SARDH: variants seen among roughly 807,000 people sequenced by gnomAD.
The protein encoded by SARDH is sarcosine dehydrogenase, also known as sarcosine dehydrogenase, mitochondrial.
In SARDH, 95 loss-of-function variants were observed where a neutral mutation model predicts 109.1. The ratio of observed to expected loss-of-function variants is 0.87; its 90% CI spans 0.74 to 1.03. The LOEUF is 1.03. Among genes scored for constraint, SARDH ranks in the 50% least tolerant of loss-of-function variants. The pLI is 0.00. For missense variants in SARDH, 1,267 were observed against 1,287.8 expected (o/e 0.98, Z 0.25); for synonymous variants, 572 against 534.8 (o/e 1.07, Z -0.96).
chr9:133,728,281 C>T lies in SARDH; in HGVS notation c.915+1484G>A, dbSNP rs556381190. ...CCACCCGCTTCACTACCCTGGTCTA[C>T]GAAGCAGCCAAGCCTGGTACCTCCC... is the stretch of plus-strand genomic sequence containing the variant. On this transcript the variant is annotated intron_variant, in intron 6 of 20. Transcript: ENST00000439388. The surrounding 1 kb of genome is among the most constrained non-coding windows in gnomAD (Gnocchi z 5.0). 2.0e-5 allele frequency among the ~76,000 whole-genome samples: 3 copies of T among 152,158 alleles called. No individual in the cohort carries two copies. The highest frequency in any genetic ancestry group is 2.9e-5 in the Non-Finnish European group (2 of 68,014).
chr9:133,676,776 G>A (rs1028353203), intron 17 of SARDH, among the ~76,000 whole-genome samples: 16 of 152,226 alleles, frequency 1.1e-4, no homozygotes, highest in African/African-American at 3.9e-4. Context: ...GGTCGGTCAT[G>A]AGCAGTCAGA....
chr9:133,682,193 C>T (rs557553305), intron 17 of SARDH, among the ~76,000 whole-genome samples: 2 of 152,018 alleles, frequency 1.3e-5, no homozygotes, highest in African/African-American at 4.8e-5. Flanking sequence ...GAGGTGGACC[C>T]GGTGTGAAAC....
intron 16 of SARDH, among the ~76,000 whole-genome samples, chr9:133,689,692 G>C (rs1229731469): frequency 1.3e-5 from 2 of 152,040 alleles, no homozygotes; most frequent in Non-Finnish European, 2.9e-5. Context: ...AGTCACAGGT[G>C]CTCCACTGGT....
downstream of SARDH, among the ~76,000 whole-genome samples, chr9:133,661,730 C>A (rs544316972): frequency 2.0e-5 from 3 of 152,282 alleles, no homozygotes; most frequent in African/African-American, 7.2e-5. Flanking sequence ...ATCCGCCCCC[C>A]TCGGCCTCCC....
rs369428435 is a variant in SARDH at position 133,712,603 on chromosome 9, C to A, written c.1328+16G>T. 6.3e-7 allele frequency: 1 copy of A among 1,599,602 alleles called. No individual in the cohort carries two copies. The highest frequency in any genetic ancestry group is 8.5e-7 in the Non-Finnish European group (1 of 1,175,008). ...TGAGTGGCGGGCCCTGCCCTTAGGT[C>A]CCAATGGGCACTTACCTGATGTCAT... On this transcript the variant is annotated intron_variant, in intron 10 of 20. Transcript: ENST00000439388. The surrounding 1 kb of genome is among the most constrained non-coding windows in gnomAD (Gnocchi z 4.1).
Position 133,670,731 on chromosome 9 carries a change from T to C in SARDH, c.2348A>G (p.Asp783Gly). The C allele has an allele frequency of 6.3e-7, 1 of 1,589,786 alleles. No homozygotes were observed. The highest frequency in any genetic ancestry group is 8.6e-7 in the Non-Finnish European group (1 of 1,169,156). Reference protein sequence around the residue: ...IEKGYRHWHADLRPDDSPLEA... With the variant: ...IEKGYRHWHAGLRPDDSPLEA... ...CAGGGGGCTGTCGTCTGGCCGCAGG[T>C]CCGCGTGCCAGTGCCGGTAGCCTGT... The change falls in exon 19 of 21, where the codon GAC (aspartate) becomes GGC (glycine). Residue 783 changes from aspartate to glycine, a missense_variant. Physicochemically the swap from Asp to Gly is moderately conservative, Grantham distance 94. Transcript: ENST00000439388.
Position 133,704,993 on chromosome 9 carries a change from A to G in SARDH, c.1509T>C (p.His503=), listed in dbSNP as rs1177539379. 2 of 1,591,150 alleles carry G rather than the reference A, an allele frequency of 1.3e-6. No individual in the cohort carries two copies. Among genetic ancestry groups the G allele is most frequent in the Non-Finnish European group, 1.7e-6 (2 of 1,169,870 alleles). The change falls in exon 12 of 21, where the codon CAT becomes CAC. Residue 503 remains histidine (H), a synonymous_variant. Coordinates refer to ENST00000439388, the MANE Select transcript of SARDH (RefSeq NM_001134707.2). The surrounding 1 kb of genome is among the most constrained non-coding windows in gnomAD (Gnocchi z 4.5). ...LGQGCVFQER[H]GWERPGWFHP... ...GAAACCATCCCGGTCGCTCCCAGCC[A>G]TGCCGCTCCTGGAACACGCAGCCTT...
rs568761615 is a variant in SARDH, at chr9:133,668,383, G to C, written c.2496-1513C>G. On this transcript the variant is annotated intron_variant, in intron 19 of 20. Transcript: ENST00000439388. ...TCTCCCTCACCCTCATTCTCCCTCA[G>C]CCTCCCTCTCCCTCTCCCTTCACCC... is the stretch of plus-strand genomic sequence containing the variant. Among the ~76,000 whole-genome samples the C allele has an allele frequency of 2.6e-3, 156 of 59,316 alleles. 2 individuals are homozygous for C. Among genetic ancestry groups the C allele is most frequent in the South Asian group, 0.011 (12 of 1,076 alleles). 38.9% of individuals were successfully genotyped at this position (59,316 alleles called of 152,430 possible). A position where few individuals can be genotyped will look rare whatever the true frequency, so the allele number is the denominator to read the frequency against.
chr9:133,661,077 C>T (rs141632920), downstream of SARDH, among the ~76,000 whole-genome samples: 87 of 152,106 alleles, frequency 5.7e-4, no homozygotes, highest in East Asian at 0.01. Flanking sequence ...CGGTGGCTCA[C>T]GCCTGTAATC....
intron 17 of SARDH, among the ~76,000 whole-genome samples, chr9:133,673,713 T>C (rs1266560054): frequency 6.6e-6 from 1 of 152,254 alleles, no homozygotes; most frequent in African/African-American, 2.4e-5. Flanking sequence ...AAAGATTGCC[T>C]TGTCAACGGG....
chr9:133,707,850 C>T (rs1831750927), intron 11 of SARDH, among the ~76,000 whole-genome samples: 1 of 152,140 alleles, frequency 6.6e-6, no homozygotes, highest in South Asian at 2.1e-4. Flanking sequence ...TGAGTCGAAG[C>T]TCACCAGGGC....
intron 13 of SARDH, among the ~76,000 whole-genome samples, chr9:133,700,275 C>G (rs959059739): frequency 6.6e-6 from 1 of 151,756 alleles, no homozygotes; most frequent in Admixed American, 6.6e-5. Context: ...TGCAGTGAGC[C>G]GAATTGCACC....
downstream of SARDH, among the ~76,000 whole-genome samples, chr9:133,660,505 C>T (rs1220097266): frequency 6.6e-6 from 1 of 152,198 alleles, no homozygotes; most frequent in East Asian, 1.9e-4. Context: ...CTGAAAATGA[C>T]CTACATGCCC....
chr9:133,718,904 T>C lies in SARDH; in HGVS notation c.1020+34A>G, dbSNP rs1304130244. Reference sequence around the variant, plus strand: ...CTCCATGCTGAGATGCAGCCCCAACTCCCTCCCATTATCCCAGGGCCCTGG... The same window carrying C: ...CTCCATGCTGAGATGCAGCCCCAACCCCCTCCCATTATCCCAGGGCCCTGG... On this transcript the variant is annotated intron_variant, in intron 7 of 20. Transcript: ENST00000439388. This position sits in a 1 kb window ranked among gnomAD's most constrained non-coding sequence, Gnocchi z 4.2. The C allele has an allele frequency of 6.6e-7, 1 of 1,506,624 alleles. No homozygotes were observed. Among genetic ancestry groups the C allele is most frequent in the Admixed American group, 1.7e-5 (1 of 59,818 alleles). The allele number at this position is 1,506,624 out of a possible 1,614,324, so 93.3% of individuals were successfully genotyped here.
intron 19 of SARDH, among the ~76,000 whole-genome samples, chr9:133,668,007 G>A (rs1049799161): frequency 1.3e-5 from 2 of 152,058 alleles, no homozygotes; most frequent in Non-Finnish European, 2.9e-5. Context: ...AGCCTGACAG[G>A]AAACCCCTGA....
At chr9:133,678,968 G>C (rs375189110) in intron 17 of SARDH, among the ~76,000 whole-genome samples, 14 of 152,284 alleles carry the variant, frequency 9.2e-5, no homozygotes, top group African/African-American at 3.4e-4. Flanking sequence ...GATTGCCCCT[G>C]AAGTCTCCAA....
At chr9:133,722,824 A>G (rs868753367) in intron 6 of SARDH, among the ~76,000 whole-genome samples, 2 of 151,814 alleles carry the variant, frequency 1.3e-5, no homozygotes, top group Non-Finnish European at 2.9e-5. Flanking sequence ...ATGCCTGACT[A>G]ATTTTTGTGT....
At position 133,734,097 on chromosome 9, in the gene SARDH, C is replaced by A; in HGVS notation, c.77G>T (p.Cys26Phe). 1 of 1,612,670 alleles carries A rather than the reference C, an allele frequency of 6.2e-7. No individual in the cohort carries two copies. The highest frequency in any genetic ancestry group is 8.5e-7 in the Non-Finnish European group (1 of 1,179,784). ...RQSPTRGMGPCNLSSAAGPTA... is the reference protein window; with the variant it reads ...RQSPTRGMGPFNLSSAAGPTA... ...GGGGCCAGCTGCGCTGGACAGGTTG[C>A]ATGGCCCCATGCCCCGGGTAGGGCT... The change falls in exon 2 of 21, where the codon TGC (cysteine) becomes TTC (phenylalanine). Residue 26 changes from cysteine (C) to phenylalanine (F), a missense_variant. Cys to Phe is a radical substitution (Grantham distance 205). Coordinates refer to ENST00000439388, the MANE Select transcript of SARDH (RefSeq NM_001134707.2).
intron 12 of SARDH, chr9:133,703,324 T>C (rs556890706): frequency 4.5e-6 from 2 of 447,920 alleles, no homozygotes; most frequent in South Asian, 5.3e-5. Context: ...CAGGGAGAGG[T>C]GGTTACCCAG....
Sources: gnomAD v4.1 joint callset for allele counts (sites outside exome capture counted in the v4.1 genomes callset) on GRCh38, gnomAD v4.1.1 for gene constraint, Gnocchi (gnomAD v3.1) non-coding constraint, MANE v1.5 for transcripts, NCBI Gene and HGNC (gene_info 2026-07-23, HGNC 2026-07-21) for gene names.